DNAJC1: variants seen among roughly 807,000 people sequenced by gnomAD.
DNAJC1 encodes the protein dnaJ homolog subfamily C member 1.
A neutral mutation model predicts 76.6 loss-of-function variants in DNAJC1; 58 were observed. That is an observed-to-expected ratio of 0.76 (90% CI 0.61 to 0.94). The LOEUF (loss-of-function observed/expected upper bound fraction) is 0.94, where lower values mean the gene tolerates loss of function less well. Among genes scored for constraint, DNAJC1 ranks in the 40% least tolerant of loss-of-function variants. The pLI is 0.00. For missense variants in DNAJC1, 689 were observed against 677.3 expected, an observed-to-expected ratio of 1.02 and a Z score of -0.19; for synonymous variants, 258 against 267.9, an observed-to-expected ratio of 0.96 and a Z score of 0.36.
At chr10:21,787,692 C>T (rs1046301661) in intron 9 of DNAJC1, among the ~76,000 whole-genome samples, 2 of 152,196 alleles carry the variant, frequency 1.3e-5, no homozygotes, top group African/African-American at 2.4e-5. Context: ...CAGCTGGGAA[C>T]CAGGTGGCCA....
chr10:21,818,970 C>A (rs1835116235), intron 8 of DNAJC1, among the ~76,000 whole-genome samples: 1 of 152,012 alleles, frequency 6.6e-6, no homozygotes, highest in African/African-American at 2.4e-5. Flanking sequence ...TTGAAGGAAA[C>A]CAAAGTTAGA....
At chr10:21,885,135 C>T (rs761350381) in intron 7 of DNAJC1, among the ~76,000 whole-genome samples, 3 of 152,108 alleles carry the variant, frequency 2.0e-5, no homozygotes, top group Middle Eastern at 3.4e-3. Flanking sequence ...TCACAAGTAA[C>T]GATGCCCTTA....
intron 1 of DNAJC1, among the ~76,000 whole-genome samples, chr10:21,979,837 C>T (rs1299311414): frequency 6.6e-6 from 1 of 151,920 alleles, no homozygotes; most frequent in African/African-American, 2.4e-5. Flanking sequence ...AGGCCTTTGA[C>T]ACCTTCATTG....
At chr10:21,802,394 G>C (rs1055091095) in intron 9 of DNAJC1, among the ~76,000 whole-genome samples, 12 of 152,030 alleles carry the variant, frequency 7.9e-5, no homozygotes, top group African/African-American at 2.9e-4. Context: ...ATTTTCCATG[G>C]AACAGTCCAC....
chr10:21,786,455 T>C (rs557399807), intron 9 of DNAJC1, among the ~76,000 whole-genome samples: 1 of 56,952 alleles, frequency 1.8e-5, no homozygotes, highest in Non-Finnish European at 3.6e-5. Context: ...TATATATATA[T>C]ATATATATAG....
At chr10:21,919,685 A>G (rs1237145486) in intron 5 of DNAJC1, 147 bp downstream of exon 5, 2 of 522,338 alleles carry the variant, frequency 3.8e-6, no homozygotes, top group Non-Finnish European at 6.5e-6. Flanking sequence ...CTTGTCTCAT[A>G]AACAATGGCA....
intron 9 of DNAJC1, among the ~76,000 whole-genome samples, chr10:21,786,473 G>T (rs1834612389): frequency 5.0e-5 from 7 of 139,328 alleles, no homozygotes; most frequent in African/African-American, 1.6e-4. Flanking sequence ...TAGAGAGAGA[G>T]AGAGAGAGAG....
chr10:21,914,260 T>A (rs568948484), intron 6 of DNAJC1, among the ~76,000 whole-genome samples: 50 of 152,334 alleles, frequency 3.3e-4, no homozygotes, highest in Non-Finnish European at 6.8e-4. Context: ...TTTGGCTTTG[T>A]TCTTCTATCA....
intron 8 of DNAJC1, among the ~76,000 whole-genome samples, chr10:21,809,288 TA>T (rs1356065982): frequency 2.0e-5 from 3 of 152,030 alleles, no homozygotes. Flanking sequence ...ATTGTATTTT[TA>T]TACTTTAATG....
intron 8 of DNAJC1, among the ~76,000 whole-genome samples, chr10:21,867,909 T>TA (rs1302360052): frequency 6.6e-5 from 10 of 151,212 alleles, no homozygotes; most frequent in African/African-American, 2.2e-4. Flanking sequence ...CTGTCTCTAC[T>TA]AAAAATACAA....
At chr10:21,857,832 G>A (rs749919610) in intron 8 of DNAJC1, among the ~76,000 whole-genome samples, 10 of 151,766 alleles carry the variant, frequency 6.6e-5, no homozygotes, top group Non-Finnish European at 1.3e-4. Context: ...CTCCAGCCTG[G>A]CAACAGAGCA....
chr10:21,856,221 C>G (rs1227823647), intron 8 of DNAJC1, among the ~76,000 whole-genome samples: 2 of 152,138 alleles, frequency 1.3e-5, no homozygotes, highest in Non-Finnish European at 2.9e-5. Flanking sequence ...CAGCTCATGA[C>G]TGCAACTACT....
chr10:21,857,353 A>T (rs527370011), intron 8 of DNAJC1, among the ~76,000 whole-genome samples: 1 of 151,742 alleles, frequency 6.6e-6, no homozygotes, highest in Admixed American at 6.5e-5. Flanking sequence ...ATATAGATAA[A>T]TGTGAAACTA....
chr10:21,790,676 G>C (rs1834673457), intron 9 of DNAJC1, among the ~76,000 whole-genome samples: 2 of 152,008 alleles, frequency 1.3e-5, no homozygotes, highest in African/African-American at 4.8e-5. Context: ...GCAAAAAGAT[G>C]ATAATCACCA....
At chr10:21,968,233 A>G (rs1024559435) in intron 1 of DNAJC1, among the ~76,000 whole-genome samples, 10 of 152,220 alleles carry the variant, frequency 6.6e-5, no homozygotes, top group Admixed American at 2.0e-4. Flanking sequence ...GTTCAACAAT[A>G]AAAGTACACT....
chr10:21,947,983 C>T (rs1289190970), intron 1 of DNAJC1, among the ~76,000 whole-genome samples: 1 of 151,880 alleles, frequency 6.6e-6, no homozygotes, highest in Admixed American at 6.6e-5. Flanking sequence ...AGAAGCAAGG[C>T]AAATACATAG....
At chr10:21,846,212 G>A (rs911319996) in intron 8 of DNAJC1, among the ~76,000 whole-genome samples, 1 of 152,174 alleles carries the variant, frequency 6.6e-6, no homozygotes, top group Non-Finnish European at 1.5e-5. Flanking sequence ...TGAACTGAAG[G>A]AGTTCAAGCA....
At chr10:21,868,082 A>C (rs1191799465) in intron 8 of DNAJC1, among the ~76,000 whole-genome samples, 2 of 148,524 alleles carry the variant, frequency 1.3e-5, no homozygotes, top group Non-Finnish European at 3.0e-5. Context: ...TCTCCAAAAA[A>C]AAAAAAACAA....
At chr10:21,928,433 GA>G (rs1837164924) in intron 3 of DNAJC1, 72 bp downstream of exon 3, 2 of 1,276,144 alleles carry the variant, frequency 1.6e-6, no homozygotes, top group Admixed American at 4.1e-5. Flanking sequence ...AAATGTTTAA[GA>G]AGACTTAATT....
Sources: gnomAD v4.1 joint callset for allele counts (sites outside exome capture counted in the v4.1 genomes callset) on GRCh38, gnomAD v4.1.1 for gene constraint, MANE v1.5 for transcripts, NCBI Gene and HGNC (gene_info 2026-07-23, HGNC 2026-07-21) for gene names.